Variants in KCNAB1 observed in about 807,000 individuals in gnomAD.
KCNAB1 encodes voltage-gated potassium channel subunit beta-1.
A neutral mutation model predicts 64.6 loss-of-function variants in KCNAB1; 35 were observed. The observed-to-expected ratio is 0.54, with a 90% CI of 0.41 to 0.72. The LOEUF is 0.72. KCNAB1 is among the 30% of genes least tolerant of loss of function. The probability of loss-of-function intolerance (pLI) is 0.00; values close to 1 mark genes in which losing one functional copy is unlikely to be tolerated. For missense variants in KCNAB1, 401 were observed against 512.9 expected (o/e 0.78, Z 2.11); for synonymous variants, 177 against 183.8 (o/e 0.96, Z 0.30).
At chr3:156,191,863 C>A (rs1219905127) in intron 1 of KCNAB1, among the ~76,000 whole-genome samples, 1 of 152,190 alleles carries the variant, frequency 6.6e-6, no homozygotes, top group Non-Finnish European at 1.5e-5. Context: ...ATGCCCAAGG[C>A]AAGCCTCACA....
At chr3:156,121,219 A>T (rs1713325401) in intron 1 of KCNAB1, among the ~76,000 whole-genome samples, 1 of 152,138 alleles carries the variant, frequency 6.6e-6, no homozygotes, top group Non-Finnish European at 1.5e-5. Context: ...AAATAACTAC[A>T]AAAAAGAGTT....
Position 156,207,772 on chromosome 3 carries a change from AG to A in KCNAB1, c.275+86890del, listed in dbSNP as rs535365698. Among the ~76,000 whole-genome samples, 372 of 152,332 alleles carry A rather than the reference AG, an allele frequency of 2.4e-3. 2 individuals carry two copies. Among genetic ancestry groups the A allele is most frequent in the African/African-American group, 8.2e-3 (342 of 41,580 alleles). Reference sequence around the variant, plus strand: ...GCAGGTCTTCCCGTTGCACAACCTCAGGGGTGTCATTCACAGGATAATTCAG... The same window carrying A: ...GCAGGTCTTCCCGTTGCACAACCTCAGGGTGTCATTCACAGGATAATTCAG... On this transcript the variant is annotated intron_variant, in intron 1 of 13. Coordinates refer to ENST00000490337, the MANE Select transcript of KCNAB1 (RefSeq NM_172160.3).
chr3:156,505,202 CA>C (rs1559919818), intron 8 of KCNAB1, among the ~76,000 whole-genome samples: 1 of 152,086 alleles, frequency 6.6e-6, no homozygotes, highest in Non-Finnish European at 1.5e-5. Context: ...GAACCTTTGT[CA>C]AAAATCTGTT....
At chr3:156,119,312 A>C (rs867807416), upstream of KCNAB1, among the ~76,000 whole-genome samples, 3 of 152,224 alleles carry the variant, frequency 2.0e-5, no homozygotes, top group East Asian at 5.8e-4. Flanking sequence ...CGAGGTGACC[A>C]CATTAGTTCA....
chr3:156,157,058 G>C (rs1715768049), intron 1 of KCNAB1, among the ~76,000 whole-genome samples: 1 of 152,130 alleles, frequency 6.6e-6, no homozygotes, highest in Non-Finnish European at 1.5e-5. Flanking sequence ...TCAAACAAAA[G>C]AGAGAAAGAT....
rs138999704 is a variant in KCNAB1, at chr3:156,452,062, G to A, written c.320-837G>A. 5.9e-3 allele frequency among the ~76,000 whole-genome samples: 898 copies of A among 152,224 alleles called. 7 individuals carry two copies. Among genetic ancestry groups the A allele is most frequent in the Non-Finnish European group, 5.5e-3 (375 of 67,994 alleles). ...ACTGTCCCTTACACGTGAGTGCAAT[G>A]CTTTTATGTGGCATGTAATTAGGAA... On this transcript the variant is annotated intron_variant, in intron 2 of 13. Transcript: ENST00000490337. The surrounding 1 kb of genome is among the most constrained non-coding windows in gnomAD (Gnocchi z 4.6).
intron 8 of KCNAB1, among the ~76,000 whole-genome samples, chr3:156,480,409 A>G (rs1714704736): frequency 6.6e-6 from 1 of 152,096 alleles, no homozygotes; most frequent in Non-Finnish European, 1.5e-5. Flanking sequence ...AGAGAGCATT[A>G]GGATAAATAC....
chr3:156,379,617 A>G (rs1712000759), intron 1 of KCNAB1, among the ~76,000 whole-genome samples: 2 of 152,184 alleles, frequency 1.3e-5, no homozygotes, highest in South Asian at 4.1e-4. Context: ...GCCCCTGTGG[A>G]ACCACAGAGT....
At chr3:156,195,557 A>G (rs760955903) in intron 1 of KCNAB1, among the ~76,000 whole-genome samples, 31 of 152,094 alleles carry the variant, frequency 2.0e-4, no homozygotes, top group Non-Finnish European at 4.1e-4. Flanking sequence ...CTTTTGTTTC[A>G]TATGTTTGTT....
intron 1 of KCNAB1, among the ~76,000 whole-genome samples, chr3:156,395,591 C>T (rs1272767844): frequency 1.2e-5 from 1 of 85,250 alleles, no homozygotes; most frequent in Admixed American, 1.4e-4. Flanking sequence ...AAAAATCAGA[C>T]ATTGTTATTT....
chr3:156,189,962 T>C (rs1214164973), intron 1 of KCNAB1, among the ~76,000 whole-genome samples: 2 of 152,316 alleles, frequency 1.3e-5, no homozygotes, highest in East Asian at 1.9e-4. Context: ...GGTGTAATGT[T>C]TGGCCAAATA....
intron 1 of KCNAB1, among the ~76,000 whole-genome samples, chr3:156,133,927 A>G (rs964655963): frequency 2.0e-5 from 3 of 152,016 alleles, no homozygotes; most frequent in Non-Finnish European, 4.4e-5. Context: ...TTTTTAGGCT[A>G]ACCCACCAAA....
At chr3:156,536,043 T>C (rs1719034897) in intron 13 of KCNAB1, among the ~76,000 whole-genome samples, 1 of 152,218 alleles carries the variant, frequency 6.6e-6, no homozygotes, top group African/African-American at 2.4e-5. Flanking sequence ...TTCCATGCTA[T>C]TCCATCTACC....
chr3:156,148,955 C>T (rs1020681541), intron 1 of KCNAB1, among the ~76,000 whole-genome samples: 1 of 151,838 alleles, frequency 6.6e-6, no homozygotes, highest in African/African-American at 2.4e-5. Flanking sequence ...AGCTTGGCCT[C>T]AGGAAGTGTG....
intron 1 of KCNAB1, among the ~76,000 whole-genome samples, chr3:156,233,662 C>T (rs566668793): frequency 2.6e-4 from 40 of 152,174 alleles, no homozygotes; most frequent in African/African-American, 8.2e-4. Context: ...TAGAAAGCTC[C>T]TGCTGCCATT....
intron 1 of KCNAB1, among the ~76,000 whole-genome samples, chr3:156,181,741 G>C (rs1284566297): frequency 6.6e-6 from 1 of 152,004 alleles, no homozygotes; most frequent in African/African-American, 2.4e-5. Context: ...GGAAGGAGGA[G>C]TTAAAAAAGG....
chr3:156,522,603 C>T (rs1020593858), intron 11 of KCNAB1, among the ~76,000 whole-genome samples: 23 of 152,184 alleles, frequency 1.5e-4, no homozygotes, highest in African/African-American at 4.8e-4. Flanking sequence ...AAAACTGGGG[C>T]GGCTTGCCCT....
intron 1 of KCNAB1, among the ~76,000 whole-genome samples, chr3:156,138,966 G>T (rs1221885610): frequency 6.6e-6 from 1 of 152,160 alleles, no homozygotes; most frequent in African/African-American, 2.4e-5. Context: ...ACATGGCCTT[G>T]TTGCTTTTTC....
intron 1 of KCNAB1, among the ~76,000 whole-genome samples, chr3:156,391,850 T>C (rs544004283): frequency 1.3e-5 from 2 of 152,262 alleles, no homozygotes; most frequent in South Asian, 2.1e-4. Context: ...TGATGGCACA[T>C]GGGAGAAAAA....
Sources: allele counts gnomAD v4.1 joint callset (sites outside exome capture counted in the v4.1 genomes callset), GRCh38; gene constraint gnomAD v4.1.1; non-coding constraint Gnocchi (gnomAD v3.1); transcripts MANE v1.5; gene names NCBI Gene and HGNC (gene_info 2026-07-23, HGNC 2026-07-21).